The following KCNIP4 variants were observed in gnomAD, a reference collection of about 807,000 sequenced individuals.
The protein encoded by KCNIP4 is potassium voltage-gated channel interacting protein 4.
KCNIP4 carries 12 observed loss-of-function variants against 34.0 expected under a neutral mutation model. That is an observed-to-expected ratio of 0.35 (90% CI 0.23 to 0.57). The LOEUF is 0.57. Ranked by LOEUF, KCNIP4 falls within the 20% of genes least tolerant of loss-of-function variation. The probability of loss-of-function intolerance (pLI) is 0.83; values close to 1 mark genes in which losing one functional copy is unlikely to be tolerated. For synonymous variants in KCNIP4, 124 were observed against 102.2 expected (o/e 1.21, Z -1.29); for missense variants, 238 against 311.7 (o/e 0.76, Z 1.78).
chr4:21,680,392 G>A (rs1448721061), intron 1 of KCNIP4, among the ~76,000 whole-genome samples: 1 of 152,134 alleles, frequency 6.6e-6, no homozygotes, highest in African/African-American at 2.4e-5. Context: ...TTCCTCCACT[G>A]AAGGCTTGAA....
chr4:21,632,995 C>A (rs951085662), intron 1 of KCNIP4, among the ~76,000 whole-genome samples: 1 of 152,120 alleles, frequency 6.6e-6, no homozygotes, highest in Non-Finnish European at 1.5e-5. Context: ...CTAAACGGTA[C>A]GTTCTTCCAG....
intron 3 of KCNIP4, among the ~76,000 whole-genome samples, chr4:20,771,732 C>T (rs1380176638): frequency 6.6e-6 from 1 of 151,902 alleles, no homozygotes; most frequent in African/African-American, 2.4e-5. Flanking sequence ...TGCAGTGCTG[C>T]GATCTCGGCT....
At position 21,243,114 on chromosome 4, in the gene KCNIP4, T is replaced by C. The variant is rs546860574; in HGVS notation, c.62-360405A>G. Among the ~76,000 whole-genome samples the C allele has an allele frequency of 2.6e-5, 4 of 152,320 alleles. No homozygotes were observed. In the East Asian group the frequency reaches 7.7e-4, roughly 29 times the overall value. ...ATAGATATTATTCTTAATAAAGTTA[T>C]AATTTCCCTCAAGGTTATTCAAACC... On this transcript the variant is annotated intron_variant, in intron 1 of 8. Coordinates refer to ENST00000382152, the MANE Select transcript of KCNIP4 (RefSeq NM_025221.6).
intron 1 of KCNIP4, among the ~76,000 whole-genome samples, chr4:21,764,956 G>A (rs1046596318): frequency 2.0e-5 from 3 of 152,122 alleles, no homozygotes; most frequent in Admixed American, 1.3e-4. Flanking sequence ...TAAAAGCTGT[G>A]TATTGGAGGA....
At chr4:21,429,475 T>C (rs1726246449) in intron 1 of KCNIP4, among the ~76,000 whole-genome samples, 1 of 152,076 alleles carries the variant, frequency 6.6e-6, no homozygotes, top group African/African-American at 2.4e-5. Flanking sequence ...TAGACATAGG[T>C]TTTCAGCTCC....
At chr4:20,734,408 G>A (rs1485021025) in intron 6 of KCNIP4, among the ~76,000 whole-genome samples, 1 of 152,150 alleles carries the variant, frequency 6.6e-6, no homozygotes, top group Non-Finnish European at 1.5e-5. Context: ...ATGCCAGCAG[G>A]AAACAAGGGT....
At chr4:20,914,497 C>G (rs1728620317) in intron 1 of KCNIP4, among the ~76,000 whole-genome samples, 1 of 152,102 alleles carries the variant, frequency 6.6e-6, no homozygotes, top group Non-Finnish European at 1.5e-5. Context: ...TTGGGACTTC[C>G]CAGCTTTCAG....
chr4:21,589,846 C>G (rs1456249873), intron 1 of KCNIP4, among the ~76,000 whole-genome samples: 2 of 151,756 alleles, frequency 1.3e-5, no homozygotes. Flanking sequence ...CCACCAAGCA[C>G]CTGTTTAGTT....
chr4:21,379,960 A>C (rs1302710908), intron 1 of KCNIP4, among the ~76,000 whole-genome samples: 1 of 151,924 alleles, frequency 6.6e-6, no homozygotes, highest in African/African-American at 2.4e-5. Context: ...TAAGAAGAAA[A>C]TGAGTATATT....
chr4:21,063,004 A>G (rs577326572), intron 1 of KCNIP4, among the ~76,000 whole-genome samples: 3 of 152,326 alleles, frequency 2.0e-5, no homozygotes, highest in Admixed American at 6.5e-5. Flanking sequence ...TCAAGTTAAC[A>G]CATAAAATTA....
chr4:21,618,545 TTC>T (rs1178362592), intron 1 of KCNIP4, among the ~76,000 whole-genome samples: 5 of 149,468 alleles, frequency 3.3e-5, no homozygotes, highest in African/African-American at 4.9e-5. Flanking sequence ...CTCTTTCTCC[TTC>T]TCTCTTTTTC....
At chr4:21,356,955 G>A (rs1253008736) in intron 1 of KCNIP4, among the ~76,000 whole-genome samples, 1 of 152,130 alleles carries the variant, frequency 6.6e-6, no homozygotes, top group Non-Finnish European at 1.5e-5. Flanking sequence ...CATGGTACTG[G>A]TACCAAAACA....
chr4:21,416,410 G>A (rs1358334719), intron 1 of KCNIP4, among the ~76,000 whole-genome samples: 4 of 152,044 alleles, frequency 2.6e-5, no homozygotes, highest in Admixed American at 1.3e-4. Flanking sequence ...CCTTCTGCAG[G>A]CCTGCTGCCT....
At chr4:20,892,497 C>G (rs1474308415) in intron 1 of KCNIP4, among the ~76,000 whole-genome samples, 1 of 152,132 alleles carries the variant, frequency 6.6e-6, no homozygotes, top group African/African-American at 2.4e-5. Flanking sequence ...CAATGTCTCT[C>G]TCTGTCTCAT....
chr4:21,152,903 C>T (rs1752862890), intron 1 of KCNIP4, among the ~76,000 whole-genome samples: 1 of 152,148 alleles, frequency 6.6e-6, no homozygotes, highest in Admixed American at 6.5e-5. Flanking sequence ...TCCCCACCCC[C>T]CAACCCTGTC....
intron 2 of KCNIP4, among the ~76,000 whole-genome samples, chr4:20,858,169 C>T (rs1721810081): frequency 7.4e-6 from 1 of 134,560 alleles, no homozygotes; most frequent in Admixed American, 8.5e-5. Flanking sequence ...CGAGATCTCG[C>T]TACTGCACTC....
intron 1 of KCNIP4, among the ~76,000 whole-genome samples, chr4:21,734,052 G>A (rs1343926261): frequency 1.3e-5 from 2 of 152,138 alleles, no homozygotes; most frequent in East Asian, 1.9e-4. Context: ...AGGACAGGGC[G>A]CTGGTAGGAG....
intron 1 of KCNIP4, among the ~76,000 whole-genome samples, chr4:21,726,996 T>G (rs1715242824): frequency 1.3e-5 from 2 of 152,196 alleles, no homozygotes. Flanking sequence ...TGTTTGGCAC[T>G]ACACAGTGCA....
chr4:20,764,972 G>A (rs1023810577), intron 3 of KCNIP4, among the ~76,000 whole-genome samples: 4 of 152,140 alleles, frequency 2.6e-5, no homozygotes, highest in African/African-American at 9.7e-5. Context: ...ACCCTGAAAG[G>A]TGGGTATTAT....
Sources: gnomAD v4.1 joint callset for allele counts (sites outside exome capture counted in the v4.1 genomes callset) on GRCh38, gnomAD v4.1.1 for gene constraint, MANE v1.5 for transcripts, NCBI Gene and HGNC (gene_info 2026-07-23, HGNC 2026-07-21) for gene names.